ABCG2: variants seen among roughly 807,000 people sequenced by gnomAD.
ABCG2 encodes broad substrate specificity ATP-binding cassette transporter ABCG2.
In ABCG2, 80 loss-of-function variants were observed where a neutral mutation model predicts 73.5. The observed-to-expected ratio is 1.09, with a 90% CI of 0.91 to 1.31. The LOEUF is 1.31. Ranked by LOEUF, ABCG2 falls within the 50% of genes most tolerant of loss-of-function variation. The pLI is 0.00. For synonymous variants in ABCG2, 269 were observed against 282.4 expected (o/e 0.95, Z 0.48); for missense variants, 796 against 786.2 (o/e 1.01, Z -0.15).
intron 1 of ABCG2, among the ~76,000 whole-genome samples, chr4:88,158,042 A>G (rs189061437): frequency 6.6e-6 from 1 of 152,250 alleles, no homozygotes; most frequent in African/African-American, 2.4e-5. Flanking sequence ...ACATCAACAA[A>G]TGTTTCCTCC....
At chr4:88,172,719 G>A (rs1727804752) in intron 1 of ABCG2, among the ~76,000 whole-genome samples, 1 of 152,100 alleles carries the variant, frequency 6.6e-6, no homozygotes. Context: ...ATTCTTAGAG[G>A]AGGCTTTATT....
chr4:88,199,845 A>G (rs1214219073), intron 1 of ABCG2, among the ~76,000 whole-genome samples: 4 of 151,928 alleles, frequency 2.6e-5, no homozygotes, highest in Non-Finnish European at 4.4e-5. Flanking sequence ...TAAAAATACA[A>G]AAAAGATTAG....
chr4:88,191,180 A>G (rs1329512486), intron 1 of ABCG2, among the ~76,000 whole-genome samples: 14 of 138,376 alleles, frequency 1.0e-4, no homozygotes, highest in Non-Finnish European at 2.2e-4. Context: ...AGGAGGCTGG[A>G]GTGCACTGGC....
chr4:88,213,776 G>A (rs1311035631), intron 1 of ABCG2, among the ~76,000 whole-genome samples: 2 of 151,608 alleles, frequency 1.3e-5, no homozygotes, highest in Non-Finnish European at 2.9e-5. Flanking sequence ...TCCGCCTCCC[G>A]GATTCAAGCG....
chr4:88,166,356 T>A (rs188393301), intron 1 of ABCG2, among the ~76,000 whole-genome samples: 327 of 152,278 alleles, frequency 2.1e-3, no homozygotes, highest in Non-Finnish European at 3.5e-3. Context: ...TCCACAAAAG[T>A]ATATTTGCTT....
upstream of ABCG2, among the ~76,000 whole-genome samples, chr4:88,161,415 T>C (rs373847603): frequency 0.037 from 1,935 of 52,052 alleles, 65 homozygotes; most frequent in Middle Eastern, 0.061. Flanking sequence ...AGTGAGAATA[T>C]GCGGTGTTTG....
chr4:88,147,054 G>GAAAGAAAGAAAGAAAA (rs1560713877), intron 1 of ABCG2, among the ~76,000 whole-genome samples: 3 of 82,254 alleles, frequency 3.6e-5, no homozygotes, highest in African/African-American at 1.3e-4. Flanking sequence ...AGAAAAGAAA[G>GAAAGAAAGAAAGAAAA]GTAAAGGAAA....
chr4:88,155,085 GTC>G (rs752660427), intron 1 of ABCG2, among the ~76,000 whole-genome samples: 63 of 152,252 alleles, frequency 4.1e-4, no homozygotes, highest in African/African-American at 9.9e-4. Flanking sequence ...GTGGGGGGCA[GTC>G]TCTAAAGCTG....
chr4:88,136,292 C>A (rs1242305423), intron 2 of ABCG2, among the ~76,000 whole-genome samples: 1 of 152,154 alleles, frequency 6.6e-6, no homozygotes. Flanking sequence ...TCTCACTCCA[C>A]TGAGAAAGCC....
intron 1 of ABCG2, chr4:88,201,734 T>C (rs1729170916): frequency 6.6e-6 from 1 of 152,124 alleles, no homozygotes; most frequent in African/African-American, 2.4e-5. Context: ...ATACTAAAAT[T>C]GGAACAATTC....
At chr4:88,116,533 CTTTTTTTTTTTTTTTTTTTTTTTTT>C (rs1211896196) in intron 7 of ABCG2, among the ~76,000 whole-genome samples, 1 of 2,230 alleles carries the variant, frequency 4.5e-4, no homozygotes, top group African/African-American at 4.8e-4. Context: ...TCACACATTT[CTTTTTTTTTTTTTTTTTTTTTTTTT>C]TTTTTTTTTT....
intron 1 of ABCG2, among the ~76,000 whole-genome samples, chr4:88,204,806 A>G (rs1206540457): frequency 6.6e-6 from 1 of 152,218 alleles, no homozygotes; most frequent in East Asian, 1.9e-4. Context: ...CCATCAGAGA[A>G]GGATTAATTG....
intron 1 of ABCG2, among the ~76,000 whole-genome samples, chr4:88,157,335 A>T (rs1174774739): frequency 6.6e-6 from 1 of 152,206 alleles, no homozygotes; most frequent in Non-Finnish European, 1.5e-5. Context: ...GAGAAAATTA[A>T]GGATATTTAG....
chr4:88,219,556 T>C (rs1033584856), intron 1 of ABCG2, among the ~76,000 whole-genome samples: 1 of 148,098 alleles, frequency 6.8e-6, no homozygotes, highest in Non-Finnish European at 1.5e-5. Flanking sequence ...ATATTCATAA[T>C]ATAAAAATGT....
chr4:88,101,448 G>A (rs1722411014), intron 10 of ABCG2, 129 bp from the exon 11 acceptor site: 10 of 784,246 alleles, frequency 1.3e-5, no homozygotes, highest in Non-Finnish European at 2.1e-5. Context: ...AAACTGTTCT[G>A]GTTGGAACAG....
At chr4:88,139,486 T>C (rs1008092212) in intron 2 of ABCG2, among the ~76,000 whole-genome samples, 1 of 152,094 alleles carries the variant, frequency 6.6e-6, no homozygotes, top group Non-Finnish European at 1.5e-5. Context: ...ATCTCTTGAC[T>C]TCATGATCTG....
At chr4:88,188,824 G>A (rs1578265406) in intron 1 of ABCG2, among the ~76,000 whole-genome samples, 1 of 151,808 alleles carries the variant, frequency 6.6e-6, no homozygotes, top group South Asian at 2.1e-4. Flanking sequence ...GACCAGCCTG[G>A]GCAACATGGC....
rs774014561 is a variant in ABCG2, at chr4:88,139,974, C to A, written c.22G>T (p.Val8Phe). ...TTTCCTTGTGACACTGGGATAAAAA[C>A]TTCGACATTACTGGAAGACATCTGG... The part of the protein sequence containing the change: MSSSNVE[V>F]FIPVSQGNTN... Residue 8 changes from valine to phenylalanine, a missense_variant, in exon 2 of 16, where the codon GTT (valine) becomes TTT (phenylalanine). Val to Phe is a conservative substitution (Grantham distance 50, BLOSUM62 -1). Coordinates refer to ENST00000237612, the MANE Select transcript of ABCG2 (RefSeq NM_004827.3). 6.2e-7 allele frequency: 1 copy of A among 1,614,034 alleles called. No individual in the cohort carries two copies. Among genetic ancestry groups the A allele is most frequent in the African/African-American group, 1.3e-5 (1 of 75,036 alleles).
intron 1 of ABCG2, among the ~76,000 whole-genome samples, chr4:88,166,421 T>C (rs1236336766): frequency 6.6e-6 from 1 of 152,212 alleles, no homozygotes; most frequent in Non-Finnish European, 1.5e-5. Context: ...GGCATATAAA[T>C]TCTCATCCCT....
Sources: gnomAD v4.1 joint callset for allele counts (sites outside exome capture counted in the v4.1 genomes callset) on GRCh38, gnomAD v4.1.1 for gene constraint, MANE v1.5 for transcripts, NCBI Gene and HGNC (gene_info 2026-07-23, HGNC 2026-07-21) for gene names.